PDE4B: variants seen among roughly 807,000 people sequenced by gnomAD.
PDE4B encodes phosphodiesterase 4B, also known as 3',5'-cyclic-AMP phosphodiesterase 4B.
Under a neutral mutation model 82.2 loss-of-function variants are expected in PDE4B, and 20 were observed. That is an observed-to-expected ratio of 0.24 (90% CI 0.17 to 0.35). The LOEUF is 0.35. PDE4B is among the 10% of genes least tolerant of loss of function. The pLI, the probability that PDE4B is intolerant of heterozygous loss-of-function variation, is 1.00. For synonymous variants in PDE4B, 320 were observed against 318.9 expected (o/e 1.00, Z -0.04); for missense variants, 655 against 907.2 (o/e 0.72, Z 3.57).
chr1:65,936,326 G>A (rs1301128646), intron 3 of PDE4B, among the ~76,000 whole-genome samples: 1 of 152,064 alleles, frequency 6.6e-6, no homozygotes, highest in Non-Finnish European at 1.5e-5. Flanking sequence ...TAAAAAGTCA[G>A]CACAGTAGGT....
intron 3 of PDE4B, among the ~76,000 whole-genome samples, chr1:66,103,101 G>T (rs1177989518): frequency 1.3e-5 from 2 of 152,078 alleles, no homozygotes; most frequent in Non-Finnish European, 2.9e-5. Context: ...TTGTAGGAAT[G>T]CTTTGTAAAT....
chr1:65,953,808 A>T (rs926467688), intron 3 of PDE4B, among the ~76,000 whole-genome samples: 1 of 152,142 alleles, frequency 6.6e-6, no homozygotes, highest in Non-Finnish European at 1.5e-5. Flanking sequence ...ATTGAATTTG[A>T]TTATTATTTT....
At chr1:66,312,527 A>G (rs1272294818) in intron 7 of PDE4B, among the ~76,000 whole-genome samples, 6 of 152,144 alleles carry the variant, frequency 3.9e-5, no homozygotes, top group African/African-American at 1.2e-4. Flanking sequence ...CATTAAGAAC[A>G]CTTTCAATTA....
chr1:65,819,974 T>C (rs978466752), intron 1 of PDE4B, among the ~76,000 whole-genome samples: 1 of 152,102 alleles, frequency 6.6e-6, no homozygotes, highest in South Asian at 2.1e-4. Context: ...GAGCAAGAGA[T>C]TGATTAGACA....
intron 7 of PDE4B, among the ~76,000 whole-genome samples, chr1:66,300,124 GT>G (rs1657783523): frequency 6.6e-6 from 1 of 152,084 alleles, no homozygotes; most frequent in African/African-American, 2.4e-5. Context: ...ACTTTCAAAG[GT>G]TCTATTTTAT....
intron 4 of PDE4B, among the ~76,000 whole-genome samples, chr1:66,254,045 T>G (rs1653995868): frequency 6.6e-6 from 1 of 152,232 alleles, no homozygotes; most frequent in Non-Finnish European, 1.5e-5. Context: ...GTACCACCTA[T>G]GCATGAGATT....
At chr1:66,182,661 G>T (rs1647094302) in intron 3 of PDE4B, among the ~76,000 whole-genome samples, 2 of 152,152 alleles carry the variant, frequency 1.3e-5, no homozygotes, top group Admixed American at 6.6e-5. Flanking sequence ...CCTCAGTAGA[G>T]TTGGTGCATA....
chr1:66,269,645 G>T (rs1354499703), intron 7 of PDE4B, among the ~76,000 whole-genome samples: 1 of 152,178 alleles, frequency 6.6e-6, no homozygotes, highest in Non-Finnish European at 1.5e-5. Flanking sequence ...CAGGAAAATG[G>T]GGTGCATGCA....
At chr1:66,018,489 C>A (rs548307079) in intron 3 of PDE4B, among the ~76,000 whole-genome samples, 77 of 152,162 alleles carry the variant, frequency 5.1e-4, no homozygotes, top group Middle Eastern at 3.4e-3. Flanking sequence ...GTAGATTCTG[C>A]TTGAATAAAT....
chr1:66,138,717 C>T (rs1045590557), intron 3 of PDE4B, among the ~76,000 whole-genome samples: 3 of 152,114 alleles, frequency 2.0e-5, no homozygotes, highest in African/African-American at 7.2e-5. Flanking sequence ...AGAAATAGTC[C>T]AGTCAGCCTT....
At chr1:66,323,096 G>A (rs965914133) in intron 7 of PDE4B, among the ~76,000 whole-genome samples, 5 of 152,050 alleles carry the variant, frequency 3.3e-5, no homozygotes, top group African/African-American at 1.2e-4. Flanking sequence ...AAATTTGGCT[G>A]GGCCACTCCT....
chr1:65,965,204 G>A (rs1448733764), intron 3 of PDE4B, among the ~76,000 whole-genome samples: 2 of 152,010 alleles, frequency 1.3e-5, no homozygotes, highest in African/African-American at 4.8e-5. Context: ...AACACCTTGG[G>A]TAACATGAAT....
At chr1:66,031,144 T>A (rs2489920) in intron 3 of PDE4B, among the ~76,000 whole-genome samples, 1 of 152,318 alleles carries the variant, frequency 6.6e-6, no homozygotes. Context: ...TAAAATAAAT[T>A]GTACAAAAAA....
intron 1 of PDE4B, among the ~76,000 whole-genome samples, chr1:65,808,050 C>T (rs1645776732): frequency 1.3e-5 from 2 of 152,250 alleles, no homozygotes; most frequent in Middle Eastern, 3.4e-3. Context: ...ACTGTATAAT[C>T]CTCATCTAGT....
At chr1:65,983,230 G>A (rs1034883566) in intron 3 of PDE4B, among the ~76,000 whole-genome samples, 3 of 152,094 alleles carry the variant, frequency 2.0e-5, no homozygotes, top group East Asian at 1.9e-4. Flanking sequence ...GAACTTTGCC[G>A]CAGGATGAAT....
At chr1:66,000,201 A>T (rs1367950770) in intron 3 of PDE4B, among the ~76,000 whole-genome samples, 2 of 152,164 alleles carry the variant, frequency 1.3e-5, no homozygotes, top group African/African-American at 4.8e-5. Flanking sequence ...TCAGCTCAGG[A>T]AAGCTCTACA....
chr1:66,372,630 G>A lies in PDE4B; in HGVS notation c.2163G>A (p.Glu721=). 3.7e-6 allele frequency: 6 copies of A among 1,614,052 alleles called. No individual in the cohort carries two copies. Among genetic ancestry groups the A allele is most frequent in the Non-Finnish European group, 5.1e-6 (6 of 1,179,912 alleles). The change falls in exon 17 of 17, where the codon GAG becomes GAA. Residue 721 remains glutamate, a synonymous_variant. Transcript: ENST00000341517. ...IDPENRDSLG[E]TDIDIATEDK... ...CAGAAAACAGAGATTCCCTGGGAGA[G>A]ACTGACATAGACATTGCAACAGAAG...
At chr1:66,090,621 A>ATATATATATATGTGTG in intron 3 of PDE4B, among the ~76,000 whole-genome samples, 4 of 122,732 alleles carry the variant, frequency 3.3e-5, no homozygotes, top group African/African-American at 1.6e-4. Flanking sequence ...TATATAATAT[A>ATATATATATATGTGTG]TGTGTGTGTG....
At chr1:66,055,815 T>A (rs1655264954) in intron 3 of PDE4B, among the ~76,000 whole-genome samples, 1 of 152,084 alleles carries the variant, frequency 6.6e-6, no homozygotes, top group South Asian at 2.1e-4. Context: ...TCTGAAAAAA[T>A]TTTTCATTTA....
Sources: allele counts gnomAD v4.1 joint callset (sites outside exome capture counted in the v4.1 genomes callset), GRCh38; gene constraint gnomAD v4.1.1; transcripts MANE v1.5; gene names NCBI Gene and HGNC (gene_info 2026-07-23, HGNC 2026-07-21).